The following SGMS1 variants were observed in gnomAD, a reference collection of about 807,000 sequenced individuals.
SGMS1 encodes phosphatidylcholine:ceramide cholinephosphotransferase 1.
In SGMS1, 13 loss-of-function variants were observed where a neutral mutation model predicts 46.2. The ratio of observed to expected loss-of-function variants is 0.28; its 90% CI spans 0.18 to 0.45. The LOEUF is 0.45. Ranked by LOEUF, SGMS1 falls within the 20% of genes least tolerant of loss-of-function variation. The probability of loss-of-function intolerance (pLI) is 1.00; values close to 1 mark genes in which losing one functional copy is unlikely to be tolerated. For synonymous variants in SGMS1, 203 were observed against 187.8 expected (o/e 1.08, Z -0.66); for missense variants, 324 against 519.9 (o/e 0.62, Z 3.66).
intron 6 of SGMS1, among the ~76,000 whole-genome samples, chr10:50,378,548 T>G (rs777413656): frequency 5.3e-5 from 8 of 152,216 alleles, no homozygotes; most frequent in Non-Finnish European, 8.8e-5. Flanking sequence ...AAATTTAAAA[T>G]GTTTTCAGAA....
chr10:50,312,948 A>G (rs906139714), intron 8 of SGMS1, among the ~76,000 whole-genome samples: 6 of 152,190 alleles, frequency 3.9e-5, no homozygotes, highest in African/African-American at 1.4e-4. Context: ...AGAATACCCA[A>G]TGCCTCTGGC....
chr10:50,617,802 G>A (rs1838811745), intron 1 of SGMS1, among the ~76,000 whole-genome samples: 1 of 151,676 alleles, frequency 6.6e-6, no homozygotes, highest in Non-Finnish European at 1.5e-5. Context: ...TGAATTCCTG[G>A]GCTCAAGCAA....
intron 2 of SGMS1, among the ~76,000 whole-genome samples, chr10:50,572,427 A>T (rs1838344417): frequency 6.6e-6 from 1 of 152,158 alleles, no homozygotes; most frequent in South Asian, 2.1e-4. Context: ...TGCCTGTGAA[A>T]TGACAGAATT....
At chr10:50,404,590 A>G (rs1848987463) in intron 6 of SGMS1, among the ~76,000 whole-genome samples, 2 of 152,216 alleles carry the variant, frequency 1.3e-5, no homozygotes, top group Admixed American at 6.5e-5. Flanking sequence ...GTGAAGAGCG[A>G]GACCCTGTCT....
Position 50,322,890 on chromosome 10 carries a change from G to C in SGMS1, c.741+4315C>G, listed in dbSNP as rs12411302. 1.4e-3 allele frequency among the ~76,000 whole-genome samples: 211 copies of C among 150,542 alleles called. 2 individuals carry two copies. The highest frequency in any genetic ancestry group is 8.6e-3 in the Admixed American group (130 of 15,138). Reference sequence around the variant, plus strand: ...ATGAGAAGAGGTTGTTTTCAGGATGGAACACACGGTCTTTGGAGCTATGAT... The same window carrying C: ...ATGAGAAGAGGTTGTTTTCAGGATGCAACACACGGTCTTTGGAGCTATGAT... On this transcript the variant is annotated intron_variant, in intron 8 of 10. Transcript: ENST00000361781.
chr10:50,329,191 AT>A (rs1452727987), intron 7 of SGMS1, among the ~76,000 whole-genome samples: 1 of 152,192 alleles, frequency 6.6e-6, no homozygotes, highest in Non-Finnish European at 1.5e-5. Context: ...AACTATTTCC[AT>A]ATTTCAAACT....
intron 6 of SGMS1, among the ~76,000 whole-genome samples, chr10:50,385,884 CCT>C (rs1406389047): frequency 1.3e-5 from 2 of 152,086 alleles, no homozygotes; most frequent in Non-Finnish European, 2.9e-5. Context: ...GAGCCGAACC[CCT>C]GTTATGTGCT....
intron 8 of SGMS1, among the ~76,000 whole-genome samples, chr10:50,312,033 A>G (rs778776968): frequency 1.1e-4 from 16 of 152,226 alleles, no homozygotes; most frequent in Non-Finnish European, 1.8e-4. Flanking sequence ...TGGGCTGGAC[A>G]CCGGAGTAAT....
At chr10:50,530,522 G>A (rs766822217) in intron 2 of SGMS1, among the ~76,000 whole-genome samples, 4 of 152,126 alleles carry the variant, frequency 2.6e-5, no homozygotes, top group Admixed American at 1.3e-4. Context: ...TCACTGTGTC[G>A]CCCAGGCTTG....
chr10:50,436,025 G>A (rs56277433), intron 5 of SGMS1, among the ~76,000 whole-genome samples: 26,741 of 152,154 alleles, frequency 0.18, 2,695 homozygotes, highest in Admixed American at 0.23. Context: ...TAATAGATTA[G>A]TTCAAAGAAT....
In SGMS1 at chr10:50,528,240, G is replaced by A. The variant is rs905129690; in HGVS notation, c.-588-8319C>T. 5.5e-4 allele frequency among the ~76,000 whole-genome samples: 84 copies of A among 152,146 alleles called. 2 individuals carry two copies. Among genetic ancestry groups the A allele is most frequent in the Non-Finnish European group, 1.8e-4 (12 of 68,026 alleles). ...GTATGATAAATCTGTGTTTCAAAAT[G>A]CTAGAGAATAAAAAATTCTTTCATC... is the stretch of plus-strand genomic sequence containing the variant. On this transcript the variant is annotated intron_variant, in intron 2 of 10. Coordinates refer to ENST00000361781, the MANE Select transcript of SGMS1 (RefSeq NM_147156.4).
At position 50,484,390 on chromosome 10, in the gene SGMS1, T is replaced by C. The variant is rs1588849320; in HGVS notation, c.-497-17458A>G. Among the ~76,000 whole-genome samples the C allele has an allele frequency of 3.9e-5, 6 of 152,240 alleles. 1 individual carries two copies. Among genetic ancestry groups the C allele is most frequent in the Admixed American group, 3.9e-4 (6 of 15,284 alleles). On this transcript the variant is annotated intron_variant, in intron 3 of 10. Transcript: ENST00000361781. ...AATAGACCAATAACAAGTTCTGAAATTGAGGCAATAATTAATAGCCTAGCA... is the reference window on the plus strand; with the variant it reads ...AATAGACCAATAACAAGTTCTGAAACTGAGGCAATAATTAATAGCCTAGCA...
intron 3 of SGMS1, among the ~76,000 whole-genome samples, chr10:50,480,585 T>C (rs1837467550): frequency 1.3e-5 from 2 of 151,944 alleles, no homozygotes; most frequent in African/African-American, 2.4e-5. Context: ...GTGATTGTGC[T>C]ACCCTGCCCA....
chr10:50,601,091 G>A (rs1407370112), intron 1 of SGMS1, among the ~76,000 whole-genome samples: 1 of 152,228 alleles, frequency 6.6e-6, no homozygotes, highest in Non-Finnish European at 1.5e-5. Context: ...CAGTTGGGAA[G>A]ATGAAATGAA....
intron 5 of SGMS1, among the ~76,000 whole-genome samples, chr10:50,455,677 G>A (rs1202705683): frequency 6.6e-6 from 1 of 152,102 alleles, no homozygotes; most frequent in Non-Finnish European, 1.5e-5. Flanking sequence ...TTCAATTTAA[G>A]AGAGCCCACC....
chr10:50,405,695 T>C (rs1849004821), intron 6 of SGMS1, among the ~76,000 whole-genome samples: 1 of 152,198 alleles, frequency 6.6e-6, no homozygotes, highest in South Asian at 2.1e-4. Flanking sequence ...TTTTGGCAAA[T>C]ATTTATAATT....
In SGMS1 at chr10:50,311,422, GA is replaced by G. The variant is rs1433260047; in HGVS notation, c.742-8del. 4 of 1,609,190 alleles carry G rather than the reference GA, an allele frequency of 2.5e-6. No individual in the cohort carries two copies. The highest frequency in any genetic ancestry group is 1.7e-5 in the Admixed American group (1 of 58,454). ...CTTCCCAGTCTCCGAAAAGCTGGCA[GA>G]AAAAAAGAAAAGAAGAAAAAGAAGA... On this transcript the variant is annotated splice_region_variant and splice_polypyrimidine_tract_variant and intron_variant, in intron 8 of 10. Coordinates refer to ENST00000361781, the MANE Select transcript of SGMS1 (RefSeq NM_147156.4).
chr10:50,337,031 C>A (rs1009327167), intron 7 of SGMS1, among the ~76,000 whole-genome samples: 112 of 151,948 alleles, frequency 7.4e-4, no homozygotes, highest in African/African-American at 2.7e-3. Flanking sequence ...AAGAGGTAAT[C>A]CCTGAGCACC....
At chr10:50,583,700 A>G (rs1456621367) in intron 2 of SGMS1, among the ~76,000 whole-genome samples, 1 of 152,222 alleles carries the variant, frequency 6.6e-6, no homozygotes, top group African/African-American at 2.4e-5. Context: ...TAGATTTGCA[A>G]TTACTTAAGG....
Sources: allele counts gnomAD v4.1 joint callset (sites outside exome capture counted in the v4.1 genomes callset), GRCh38; gene constraint gnomAD v4.1.1; transcripts MANE v1.5; gene names NCBI Gene and HGNC (gene_info 2026-07-23, HGNC 2026-07-21).